FARP1: variants seen among roughly 807,000 people sequenced by gnomAD.
The protein encoded by FARP1 is FERM, ARH/RhoGEF and pleckstrin domain protein 1, also known as FERM, ARHGEF and pleckstrin domain-containing protein 1.
Under a neutral mutation model 128.8 loss-of-function variants are expected in FARP1, and 52 were observed. That is an observed-to-expected ratio of 0.40 (90% CI 0.32 to 0.51). FARP1 has a LOEUF of 0.51. Ranked by LOEUF, FARP1 falls within the 20% of genes least tolerant of loss-of-function variation. The probability of loss-of-function intolerance (pLI) is 0.45; values close to 1 mark genes in which losing one functional copy is unlikely to be tolerated. For synonymous variants in FARP1, 580 were observed against 551.8 expected (o/e 1.05, Z -0.72); for missense variants, 1,333 against 1,367.9 (o/e 0.97, Z 0.40).
intron 7 of FARP1, 99 bp downstream of exon 7, chr13:98,384,943 T>C (rs1158474707): frequency 1.4e-6 from 1 of 734,880 alleles, no homozygotes. Context: ...CAAACTATTG[T>C]GGAGAACAAC....
chr13:98,390,638 T>G (rs1890271159), intron 10 of FARP1, 174 bp from the exon 11 acceptor site: 2 of 558,758 alleles, frequency 3.6e-6, no homozygotes, highest in South Asian at 5.3e-5. Flanking sequence ...AGAGACTGAG[T>G]GGACCCAAAA....
intron 2 of FARP1, among the ~76,000 whole-genome samples, chr13:98,250,158 C>G (rs756418824): frequency 6.6e-6 from 1 of 152,164 alleles, no homozygotes; most frequent in Non-Finnish European, 1.5e-5. Context: ...GAAACACAGA[C>G]ACTTTGAAAA....
chr13:98,165,867 A>C (rs1461427671), intron 1 of FARP1, among the ~76,000 whole-genome samples: 1 of 151,430 alleles, frequency 6.6e-6, no homozygotes, highest in Non-Finnish European at 1.5e-5. Context: ...ACAGGTGCAC[A>C]CCACCACGCC....
chr13:98,396,595 T>A (rs1436560736), intron 13 of FARP1: 1 of 398,194 alleles, frequency 2.5e-6, no homozygotes, highest in Non-Finnish European at 4.4e-6. Context: ...TAGTCTACAT[T>A]TGTTAGAGGA....
At chr13:98,218,837 T>A (rs1426769068) in intron 2 of FARP1, among the ~76,000 whole-genome samples, 1 of 152,192 alleles carries the variant, frequency 6.6e-6, no homozygotes, top group Non-Finnish European at 1.5e-5. Context: ...TGATAATACA[T>A]TATTAGTAGA....
At chr13:98,281,888 A>G (rs1014583205) in intron 2 of FARP1, among the ~76,000 whole-genome samples, 17 of 152,212 alleles carry the variant, frequency 1.1e-4, no homozygotes, top group African/African-American at 3.9e-4. Context: ...TACTGCCTCA[A>G]CTTCTTTTAA....
chr13:98,355,187 A>G (rs1398766149), intron 3 of FARP1, among the ~76,000 whole-genome samples: 7 of 152,012 alleles, frequency 4.6e-5, no homozygotes, highest in Non-Finnish European at 8.8e-5. Context: ...TCTACAAAAA[A>G]TACAAAAACT....
intron 1 of FARP1, among the ~76,000 whole-genome samples, chr13:98,200,449 T>G (rs1463384903): frequency 1.4e-5 from 2 of 147,264 alleles, no homozygotes; most frequent in African/African-American, 2.5e-5. Flanking sequence ...AAGAATTGTA[T>G]TTCTAATGAG....
At chr13:98,366,863 A>G (rs1157187439) in intron 4 of FARP1, among the ~76,000 whole-genome samples, 1 of 152,102 alleles carries the variant, frequency 6.6e-6, no homozygotes, top group Non-Finnish European at 1.5e-5. Flanking sequence ...TATTGTCAAC[A>G]TCTTTATTGT....
intron 2 of FARP1, among the ~76,000 whole-genome samples, chr13:98,228,030 G>A (rs762114828): frequency 6.6e-6 from 1 of 152,136 alleles, no homozygotes; most frequent in Non-Finnish European, 1.5e-5. Context: ...ACAACAATGC[G>A]AATATACCTA....
chr13:98,215,396 T>A (rs144096086), intron 2 of FARP1, among the ~76,000 whole-genome samples: 12 of 152,334 alleles, frequency 7.9e-5, no homozygotes, highest in Non-Finnish European at 1.5e-4. Flanking sequence ...TTTACTCATA[T>A]ACCTGTCAGA....
At chr13:98,350,407 G>A (rs147328129) in intron 3 of FARP1, among the ~76,000 whole-genome samples, 17 of 152,306 alleles carry the variant, frequency 1.1e-4, no homozygotes, top group Admixed American at 3.3e-4. Flanking sequence ...CGCTCTGTCC[G>A]TACTTACAGT....
At chr13:98,231,702 G>A (rs1238452401) in intron 2 of FARP1, among the ~76,000 whole-genome samples, 9 of 152,154 alleles carry the variant, frequency 5.9e-5, no homozygotes, top group South Asian at 2.1e-4. Flanking sequence ...GCCTCCGAAA[G>A]TGTTGGTGAG....
intron 2 of FARP1, among the ~76,000 whole-genome samples, chr13:98,274,108 T>A (rs1379779305): frequency 2.0e-5 from 3 of 152,226 alleles, no homozygotes; most frequent in African/African-American, 4.8e-5. Context: ...ATTGCTTTTT[T>A]AATCTAGGAT....
At chr13:98,295,748 A>G (rs906643095) in intron 2 of FARP1, among the ~76,000 whole-genome samples, 2 of 152,226 alleles carry the variant, frequency 1.3e-5, no homozygotes, top group Non-Finnish European at 2.9e-5. Context: ...CATCTGCATT[A>G]ATTAGGACAT....
At chr13:98,188,181 C>A (rs1445024342) in intron 1 of FARP1, among the ~76,000 whole-genome samples, 1 of 152,102 alleles carries the variant, frequency 6.6e-6, no homozygotes, top group African/African-American at 2.4e-5. Flanking sequence ...TTCGGCAGCA[C>A]CCACGTGGGC....
intron 2 of FARP1, among the ~76,000 whole-genome samples, chr13:98,223,737 G>T (rs1386169558): frequency 6.6e-6 from 1 of 152,216 alleles, no homozygotes; most frequent in Non-Finnish European, 1.5e-5. Flanking sequence ...ACAAATGGAA[G>T]TTGATTGCTT....
chr13:98,268,766 C>T (rs919199232), intron 2 of FARP1, among the ~76,000 whole-genome samples: 12 of 142,380 alleles, frequency 8.4e-5, no homozygotes, highest in Non-Finnish European at 1.7e-4. Flanking sequence ...CTGCATCTGG[C>T]CTTTCCCTTC....
At chr13:98,337,118 G>A (rs1887777029) in intron 2 of FARP1, among the ~76,000 whole-genome samples, 1 of 152,150 alleles carries the variant, frequency 6.6e-6, no homozygotes, top group African/African-American at 2.4e-5. Flanking sequence ...TATAATCCTA[G>A]CACTTTGGGA....
Sources: gnomAD v4.1 joint callset for allele counts (sites outside exome capture counted in the v4.1 genomes callset) on GRCh38, gnomAD v4.1.1 for gene constraint, MANE v1.5 for transcripts, NCBI Gene and HGNC (gene_info 2026-07-23, HGNC 2026-07-21) for gene names.